DTD1: variants seen among roughly 807,000 people sequenced by gnomAD.
The protein encoded by DTD1 is D-tyrosyl-tRNA deacylase 1 homolog.
DTD1 carries 13 observed loss-of-function variants against 25.6 expected under a neutral mutation model. The ratio of observed to expected loss-of-function variants is 0.51; its 90% CI spans 0.33 to 0.81. The LOEUF is 0.81. DTD1 is among the 30% of genes least tolerant of loss of function. The pLI, the probability that DTD1 is intolerant of heterozygous loss-of-function variation, is 0.02. For synonymous variants in DTD1, 110 were observed against 103.6 expected (o/e 1.06, Z -0.37); for missense variants, 193 against 266.4 (o/e 0.72, Z 1.92).
chr20:18,592,133 G>C (rs760719787), intron 1 of DTD1, among the ~76,000 whole-genome samples: 3 of 152,144 alleles, frequency 2.0e-5, no homozygotes, highest in Non-Finnish European at 2.9e-5. Context: ...CTATGTTACT[G>C]TGTTAGTTAT....
chr20:18,606,803 G>A (rs1298798795), intron 3 of DTD1, among the ~76,000 whole-genome samples: 9 of 141,592 alleles, frequency 6.4e-5, no homozygotes, highest in Non-Finnish European at 1.2e-4. Context: ...GGGAGGGATA[G>A]CATTGGAAGA....
At chr20:18,723,839 G>T (rs1568681956) in intron 4 of DTD1, among the ~76,000 whole-genome samples, 1 of 152,220 alleles carries the variant, frequency 6.6e-6, no homozygotes, top group East Asian at 1.9e-4. Context: ...TGGCCTAAAT[G>T]ATAAGGACAT....
chr20:18,653,214 C>A (rs943180469), intron 4 of DTD1, among the ~76,000 whole-genome samples: 10 of 152,162 alleles, frequency 6.6e-5, no homozygotes, highest in African/African-American at 1.2e-4. Flanking sequence ...AGAGCCTGGG[C>A]AACATGGTGA....
chr20:18,650,589 G>T (rs947743725), intron 4 of DTD1, among the ~76,000 whole-genome samples: 3 of 152,154 alleles, frequency 2.0e-5, no homozygotes, highest in African/African-American at 4.8e-5. Flanking sequence ...TTAAAATATT[G>T]TCACTGTATC....
At chr20:18,599,412 T>C (rs1456235561) in intron 3 of DTD1, among the ~76,000 whole-genome samples, 3 of 152,128 alleles carry the variant, frequency 2.0e-5, no homozygotes, top group African/African-American at 7.2e-5. Context: ...TGACCTCAGG[T>C]AATCCGCCCA....
chr20:18,648,995 CAAAAA>C (rs57780175), intron 4 of DTD1, among the ~76,000 whole-genome samples: 54 of 56,274 alleles, frequency 9.6e-4, no homozygotes, highest in African/African-American at 3.9e-3. Context: ...GACTCCATCT[CAAAAA>C]AAAAAAAAAA....
chr20:18,759,314 G>T (rs1378087812), intron 5 of DTD1, among the ~76,000 whole-genome samples: 1 of 152,312 alleles, frequency 6.6e-6, no homozygotes, highest in South Asian at 2.1e-4. Context: ...GTTAGTTGAT[G>T]CAGTTTCTTC....
chr20:18,658,244 G>GTGT (rs1473454116), intron 4 of DTD1, among the ~76,000 whole-genome samples: 1 of 150,566 alleles, frequency 6.6e-6, no homozygotes, highest in African/African-American at 2.4e-5. Flanking sequence ...CCACCCCTGT[G>GTGT]TGTTGTTGTT....
At chr20:18,681,928 A>T (rs2060998764) in intron 4 of DTD1, among the ~76,000 whole-genome samples, 1 of 152,202 alleles carries the variant, frequency 6.6e-6, no homozygotes, top group Admixed American at 6.5e-5. Flanking sequence ...ATTTAAACCA[A>T]TCATAGTGAT....
intron 3 of DTD1, among the ~76,000 whole-genome samples, chr20:18,617,409 T>A (rs2060713320): frequency 6.6e-6 from 1 of 150,824 alleles, no homozygotes; most frequent in Non-Finnish European, 1.5e-5. Context: ...CATATATATT[T>A]GTGACCATAT....
chr20:18,619,735 C>G (rs1600323410), intron 3 of DTD1, among the ~76,000 whole-genome samples: 1 of 152,084 alleles, frequency 6.6e-6, no homozygotes, highest in African/African-American at 2.4e-5. Flanking sequence ...TCCTCTCCTG[C>G]TTTTATGCTT....
At chr20:18,720,575 C>T (rs1223050838) in intron 4 of DTD1, among the ~76,000 whole-genome samples, 1 of 152,104 alleles carries the variant, frequency 6.6e-6, no homozygotes, top group Non-Finnish European at 1.5e-5. Flanking sequence ...AGTTTTTTGG[C>T]CAAGCAGCTT....
intron 4 of DTD1, among the ~76,000 whole-genome samples, chr20:18,682,967 G>A (rs555722784): frequency 2.6e-5 from 4 of 152,208 alleles, no homozygotes; most frequent in Non-Finnish European, 4.4e-5. Flanking sequence ...GACTCATATT[G>A]TTGCCTATAT....
At chr20:18,692,081 T>C (rs1335541329) in intron 4 of DTD1, 1 of 152,184 alleles carries the variant, frequency 6.6e-6, no homozygotes, top group Non-Finnish European at 1.5e-5. Context: ...AGCATGTATC[T>C]AAGAACATAC....
intron 4 of DTD1, among the ~76,000 whole-genome samples, chr20:18,670,961 G>A (rs1489048776): frequency 2.0e-5 from 3 of 152,230 alleles, no homozygotes; most frequent in Admixed American, 6.5e-5. Context: ...AGATTCTTGG[G>A]TGTGCTGGCC....
At chr20:18,731,591 A>G (rs1180956188) in intron 4 of DTD1, among the ~76,000 whole-genome samples, 2 of 152,062 alleles carry the variant, frequency 1.3e-5, no homozygotes, top group African/African-American at 2.4e-5. Flanking sequence ...TTTTTTCTCT[A>G]TTTCTAAATA....
At chr20:18,617,734 A>G (rs1600321734) in intron 3 of DTD1, among the ~76,000 whole-genome samples, 1 of 150,080 alleles carries the variant, frequency 6.7e-6, no homozygotes, top group East Asian at 1.9e-4. Flanking sequence ...TCCATTTGCA[A>G]ATGTGAGCAA....
chr20:18,588,242 C>A, intron 1 of DTD1, 127 bp downstream of exon 1: 1 of 950,228 alleles, frequency 1.1e-6, no homozygotes, highest in Non-Finnish European at 1.4e-6. Context: ...TGGTCCCCTT[C>A]GCGAGCTCGG....
At chr20:18,649,294 ACT>A (rs374974819) in intron 4 of DTD1, among the ~76,000 whole-genome samples, 19 of 124,418 alleles carry the variant, frequency 1.5e-4, no homozygotes, top group African/African-American at 5.8e-4. Context: ...AGCGAGAAAG[ACT>A]CTGATGGGCT....
Sources: allele counts gnomAD v4.1 joint callset (sites outside exome capture counted in the v4.1 genomes callset), GRCh38; gene constraint gnomAD v4.1.1; transcripts MANE v1.5; gene names NCBI Gene and HGNC (gene_info 2026-07-23, HGNC 2026-07-21).